The following CLASRP variants were observed in gnomAD, a reference collection of about 807,000 sequenced individuals.
CLASRP encodes CLK4 associating serine/arginine rich protein.
CLASRP carries 52 observed loss-of-function variants against 99.9 expected under a neutral mutation model. The ratio of observed to expected loss-of-function variants is 0.52; its 90% CI spans 0.42 to 0.66. The LOEUF is 0.66. CLASRP is among the 30% of genes least tolerant of loss of function. CLASRP has a pLI of 0.00. For synonymous variants in CLASRP, 379 were observed against 373.0 expected (o/e 1.02, Z -0.18); for missense variants, 848 against 999.2 (o/e 0.85, Z 2.04).
At chr19:45,052,747 A>G in intron 3 of CLASRP, 44 bp from the exon 4 acceptor site, 1 of 1,445,902 alleles carries the variant, frequency 6.9e-7, no homozygotes, top group Non-Finnish European at 9.7e-7. Context: ...CCTGGGCAGT[A>G]TGGACCCTGA....
chr19:45,044,733 A>G (rs1265531295), intron 2 of CLASRP, among the ~76,000 whole-genome samples: 1 of 152,038 alleles, frequency 6.6e-6, no homozygotes, highest in South Asian at 2.1e-4. Context: ...CTGCACTGGA[A>G]CCTGGGTGAC....
chr19:45,060,148 C>G lies in CLASRP; in HGVS notation c.711-241C>G, dbSNP rs944757159. Among the ~76,000 whole-genome samples, 1 of 152,172 alleles carries G rather than the reference C, an allele frequency of 6.6e-6. No individual in the cohort carries two copies. Among genetic ancestry groups the G allele is most frequent in the African/African-American group, 2.4e-5 (1 of 41,446 alleles). On this transcript the variant is annotated intron_variant, in intron 8 of 20. Transcript: ENST00000221455. The surrounding 1 kb of genome is among the most constrained non-coding windows in gnomAD (Gnocchi z 4.6). The stretch of plus-strand genomic sequence containing the variant: ...TTTATTCCCTTGCTCATTATCTTCT[C>G]CCCTAGAATGTAAGCCCGTGCAGGT...
chr19:45,057,678 G>A lies in CLASRP; in HGVS notation c.465-72G>A, dbSNP rs904031532. The A allele has an allele frequency of 5.7e-6, 9 of 1,574,730 alleles. No individual in the cohort carries two copies. In the Admixed American group the frequency reaches 8.5e-5, roughly 15 times the overall value. On this transcript the variant is annotated intron_variant, in intron 6 of 20. Transcript: ENST00000221455. Reference sequence around the variant, plus strand: ...GGAGGGGGCCGTGGCACTCGAGACTGGTGTGTGGGGCTAGCCTGGGGCCCT... The same window carrying A: ...GGAGGGGGCCGTGGCACTCGAGACTAGTGTGTGGGGCTAGCCTGGGGCCCT...
At chr19:45,044,547 T>C (rs1474066511) in intron 2 of CLASRP, among the ~76,000 whole-genome samples, 1 of 152,132 alleles carries the variant, frequency 6.6e-6, no homozygotes, top group Admixed American at 6.6e-5. Flanking sequence ...CTGCGCCTTA[T>C]CATGCAGAAA....
intron 5 of CLASRP, among the ~76,000 whole-genome samples, chr19:45,054,793 T>C (rs868503663): frequency 2.6e-5 from 4 of 152,134 alleles, no homozygotes; most frequent in African/African-American, 9.7e-5. Flanking sequence ...GGTGGTGGTG[T>C]TGATTTTGTT....
At chr19:45,064,745 C>T in intron 13 of CLASRP, 115 bp downstream of exon 13, 1 of 1,436,878 alleles carries the variant, frequency 7.0e-7, no homozygotes, top group Non-Finnish European at 9.1e-7. Context: ...AACACCCCAT[C>T]TAAGGGGACA....
At chr19:45,044,242 G>A (rs1015613099) in intron 2 of CLASRP, among the ~76,000 whole-genome samples, 1 of 152,208 alleles carries the variant, frequency 6.6e-6, no homozygotes, top group Non-Finnish European at 1.5e-5. Flanking sequence ...GCTTGGCATA[G>A]TAGTCCTCTG....
Position 45,070,076 on chromosome 19 carries a change from G to A in CLASRP, c.1929G>A (p.Arg643=). Residue 643 remains arginine (R), a synonymous_variant, in exon 19 of 21, where the codon CGG becomes CGA. Coordinates refer to ENST00000221455, the MANE Select transcript of CLASRP (RefSeq NM_007056.3). ...AAGAGTGGGAACGCCAGTACAGCCG[G>A]CAGAGCCGCTCACCCTCCCCCCGAT... ...EREEWERQYS[R]QSRSPSPRYS... 2 of 1,606,694 alleles carry A rather than the reference G, an allele frequency of 1.2e-6. No homozygotes were observed. The highest frequency in any genetic ancestry group is 1.3e-5 in the African/African-American group (1 of 74,898).
At chr19:45,053,046 G>GT in intron 4 of CLASRP, 52 bp from the exon 5 acceptor site, 3 of 1,602,614 alleles carry the variant, frequency 1.9e-6, no homozygotes, top group African/African-American at 1.3e-5. Context: ...TGCTGGCTTG[G>GT]GGGGGGATCC....
chr19:45,051,840 C>T (rs1009571420), intron 2 of CLASRP, among the ~76,000 whole-genome samples: 2 of 151,958 alleles, frequency 1.3e-5, no homozygotes, highest in Non-Finnish European at 2.9e-5. Flanking sequence ...TGGTGGCGGG[C>T]GCCTGTAGTC....
Position 45,064,522 on chromosome 19 carries a change from G to T in CLASRP, c.1301G>T (p.Arg434Leu). ...CGCTCCCGCTCCCGGCGCTATTCCC[G>T]GTCCCGTAGCCGTGGCCGGCGGCAC... Reference protein sequence around the residue: ...RSRSRSRRYSRSRSRGRRHSG... With the variant: ...RSRSRSRRYSLSRSRGRRHSG... The change falls in exon 13 of 21, where the codon CGG becomes CTG. Residue 434 changes from arginine (R) to leucine (L), a missense_variant. Arg to Leu is a moderately radical substitution (Grantham distance 102). Coordinates refer to ENST00000221455, the MANE Select transcript of CLASRP (RefSeq NM_007056.3). The T allele has an allele frequency of 1.3e-6, 2 of 1,537,572 alleles. No homozygotes were observed. Among genetic ancestry groups the T allele is most frequent in the Non-Finnish European group, 1.7e-6 (2 of 1,146,198 alleles).
intron 2 of CLASRP, among the ~76,000 whole-genome samples, chr19:45,046,070 C>T (rs748583175): frequency 3.3e-5 from 5 of 152,220 alleles, no homozygotes; most frequent in East Asian, 1.9e-4. Context: ...GGCCTTTGTC[C>T]CTGTATGTGA....
intron 2 of CLASRP, among the ~76,000 whole-genome samples, chr19:45,042,774 G>T (rs1247606012): frequency 6.6e-6 from 1 of 151,944 alleles, no homozygotes; most frequent in Non-Finnish European, 1.5e-5. Flanking sequence ...GTGCCACTAT[G>T]CCTGGCTAAT....
chr19:45,066,943 G>C (rs1443671291), intron 13 of CLASRP, among the ~76,000 whole-genome samples: 1 of 152,148 alleles, frequency 6.6e-6, no homozygotes, highest in African/African-American at 2.4e-5. Context: ...AGGATGAGGT[G>C]GTGGGTGAGG....
chr19:45,040,191 C>T lies in CLASRP; in HGVS notation c.-22C>T. The T allele has an allele frequency of 6.3e-7, 1 of 1,580,274 alleles. No individual in the cohort carries two copies. Among genetic ancestry groups the T allele is most frequent in the Non-Finnish European group, 8.6e-7 (1 of 1,160,258 alleles). On this transcript the variant is annotated 5_prime_UTR_variant, in exon 2 of 21. Coordinates refer to ENST00000221455, the MANE Select transcript of CLASRP (RefSeq NM_007056.3). ...GGTCCCTTCATCCCTCAGGTTGAGG[C>T]CCCAGGCTTGGCCTCACCACAATGT...
intron 2 of CLASRP, among the ~76,000 whole-genome samples, chr19:45,046,413 G>A (rs188812241): frequency 2.0e-5 from 3 of 152,328 alleles, no homozygotes; most frequent in Non-Finnish European, 4.4e-5. Context: ...CTGTTGATAC[G>A]GAAATAAGAA....
At chr19:45,062,279 C>G (rs1370169848) in intron 11 of CLASRP, 84 bp downstream of exon 11, 5 of 855,190 alleles carry the variant, frequency 5.8e-6, no homozygotes, top group Admixed American at 1.8e-5. Flanking sequence ...ATGGGAGGTT[C>G]ACCCTGCTAG....
chr19:45,059,328 C>A lies in CLASRP; in HGVS notation c.674C>A (p.Ala225Asp). ...CAGGTGGCAGATCTCAACAAACAGGCCACGACTTATGGCATGGCCGACGGT... is the reference window on the plus strand; with the variant it reads ...CAGGTGGCAGATCTCAACAAACAGGACACGACTTATGGCATGGCCGACGGT... ...QEQVADLNKQ[A>D]TTYGMADGDF... Residue 225 changes from alanine (A) to aspartate (D), a missense_variant, in exon 8 of 21, where the codon GCC becomes GAC. Physicochemically the swap from Ala to Asp is moderately radical, Grantham distance 126. Transcript: ENST00000221455. The A allele has an allele frequency of 6.2e-7, 1 of 1,605,620 alleles. No homozygotes were observed. The highest frequency in any genetic ancestry group is 8.5e-7 in the Non-Finnish European group (1 of 1,175,830).
rs747590566 is a variant in CLASRP at position 45,067,632 on chromosome 19, C to A, written c.1667+38C>A. 1 of 1,538,768 alleles carries A rather than the reference C, an allele frequency of 6.5e-7. No individual in the cohort carries two copies. The highest frequency in any genetic ancestry group is 8.8e-7 in the Non-Finnish European group (1 of 1,135,688). On this transcript the variant is annotated intron_variant, in intron 14 of 20. Coordinates refer to ENST00000221455, the MANE Select transcript of CLASRP (RefSeq NM_007056.3). This position sits in a 1 kb window ranked among gnomAD's most constrained non-coding sequence, Gnocchi z 4.9. ...GGTCTGGAGGAAGAGGGCTGCCAAT[C>A]TCGGGTGGGGAGGGTGAACATCACT... is the stretch of plus-strand genomic sequence containing the variant.
Sources: gnomAD v4.1 joint callset for allele counts (sites outside exome capture counted in the v4.1 genomes callset) on GRCh38, gnomAD v4.1.1 for gene constraint, Gnocchi (gnomAD v3.1) non-coding constraint, MANE v1.5 for transcripts, NCBI Gene and HGNC (gene_info 2026-07-23, HGNC 2026-07-21) for gene names.